WARS2: variants seen among roughly 807,000 people sequenced by gnomAD.
WARS2 encodes the protein tryptophanyl tRNA synthetase 2, mitochondrial.
In WARS2, 28 loss-of-function variants were observed where a neutral mutation model predicts 36.5. The observed-to-expected ratio is 0.77, with a 90% CI of 0.57 to 1.05. The LOEUF (loss-of-function observed/expected upper bound fraction) is 1.05. Among genes scored for constraint, WARS2 ranks in the 50% least tolerant of loss-of-function variants. WARS2 has a pLI of 0.00. For missense variants in WARS2, 435 were observed against 456.8 expected (o/e 0.95, Z 0.44); for synonymous variants, 174 against 178.4 (o/e 0.98, Z 0.20).
intron 1 of WARS2, among the ~76,000 whole-genome samples, chr1:119,107,747 G>T (rs1027727986): frequency 6.6e-6 from 1 of 151,994 alleles, no homozygotes; most frequent in African/African-American, 2.4e-5. Context: ...TGACATCCTT[G>T]TCTTGTTTCT....
intron 1 of WARS2, among the ~76,000 whole-genome samples, chr1:119,137,375 TG>T (rs1656584557): frequency 6.6e-6 from 1 of 152,228 alleles, no homozygotes; most frequent in Admixed American, 6.5e-5. Flanking sequence ...CTTCATCTAA[TG>T]GCTATACTTA....
chr1:119,097,217 T>A (rs1653502174), intron 1 of WARS2, among the ~76,000 whole-genome samples: 1 of 152,346 alleles, frequency 6.6e-6, no homozygotes, highest in South Asian at 2.1e-4. Flanking sequence ...TCTATCTTGA[T>A]GAGAAATGTG....
chr1:119,075,911 TG>T (rs1370078275), intron 2 of WARS2, among the ~76,000 whole-genome samples: 1 of 152,184 alleles, frequency 6.6e-6, no homozygotes, highest in Non-Finnish European at 1.5e-5. Context: ...GAATGAACAA[TG>T]GGAATCATCC....
intron 1 of WARS2, among the ~76,000 whole-genome samples, chr1:119,106,353 C>A (rs1230719715): frequency 6.6e-6 from 1 of 152,130 alleles, no homozygotes; most frequent in Non-Finnish European, 1.5e-5. Flanking sequence ...AGGGTCTTCC[C>A]TTGGGAGTTG....
Position 119,127,357 on chromosome 1 carries a change from A to C in WARS2, c.90+13198T>G, listed in dbSNP as rs1655740322. On this transcript the variant is annotated intron_variant, in intron 1 of 5. Coordinates refer to ENST00000235521, the MANE Select transcript of WARS2 (RefSeq NM_015836.4). ...TGTCTCTGTTTTACAGATGAAAAAA[A>C]ATTAAGGCACAGAAAAATCAAGCGA... 4 of 491,512 alleles carry C rather than the reference A, an allele frequency of 8.1e-6. No homozygotes were observed. In the East Asian group the frequency reaches 1.7e-4, roughly 21 times the overall value. The allele number at this position is 491,512 out of a possible 1,614,324, so 30.4% of individuals were successfully genotyped here.
chr1:119,092,839 T>G (rs966546294), intron 1 of WARS2, among the ~76,000 whole-genome samples: 3 of 152,230 alleles, frequency 2.0e-5, no homozygotes, highest in African/African-American at 7.2e-5. Flanking sequence ...TTAGCTATCT[T>G]CATCATCTAA....
At chr1:119,055,273 G>A (rs1177385868) in intron 2 of WARS2, among the ~76,000 whole-genome samples, 3 of 152,062 alleles carry the variant, frequency 2.0e-5, no homozygotes, top group African/African-American at 7.2e-5. Context: ...GAAGATAGCT[G>A]GTAATACAAG....
chr1:119,087,924 A>T (rs1383314428), intron 1 of WARS2, among the ~76,000 whole-genome samples: 2 of 152,360 alleles, frequency 1.3e-5, no homozygotes, highest in Non-Finnish European at 2.9e-5. Flanking sequence ...CAGCAGTAGC[A>T]TCATGGCTTG....
Position 119,057,892 on chromosome 1 carries a change from G to T in WARS2, c.349-12230C>A, listed in dbSNP as rs145495012. ...CCAGATATATGTACTGTGAATATTT[G>T]CTCCCACTTTATGGGTTACCTTTTC... On this transcript the variant is annotated intron_variant, in intron 2 of 5. Coordinates refer to ENST00000235521, the MANE Select transcript of WARS2 (RefSeq NM_015836.4). Among the ~76,000 whole-genome samples the T allele has an allele frequency of 7.2e-5, 11 of 152,146 alleles. No homozygotes were observed. The East Asian group carries it at 1.5e-3, about 21-fold the overall frequency.
At position 119,109,629 on chromosome 1, in the gene WARS2, CTTG is replaced by C. The variant is rs1274273620; in HGVS notation, c.90+30923_90+30925del. 5.9e-5 allele frequency among the ~76,000 whole-genome samples: 9 copies of C among 151,776 alleles called. No individual in the cohort carries two copies. The East Asian group carries it at 1.7e-3, about 29-fold the overall frequency. ...TTCTTGTAGACAACATAAGTTGATT[CTTG>C]TTGGTTTTTTTGATCCACTTCAACA... On this transcript the variant is annotated intron_variant, in intron 1 of 5. Coordinates refer to ENST00000235521, the MANE Select transcript of WARS2 (RefSeq NM_015836.4).
chr1:119,098,184 G>A (rs1055286569), intron 1 of WARS2, among the ~76,000 whole-genome samples: 1 of 152,056 alleles, frequency 6.6e-6, no homozygotes, highest in Non-Finnish European at 1.5e-5. Flanking sequence ...AGGAGGTGGA[G>A]GTTGCAGTGA....
intron 1 of WARS2, among the ~76,000 whole-genome samples, chr1:119,117,130 G>C (rs1454721488): frequency 6.6e-6 from 1 of 152,184 alleles, no homozygotes. Context: ...CTGCATGGGA[G>C]TGGAGTGAGG....
intron 1 of WARS2, among the ~76,000 whole-genome samples, chr1:119,084,306 G>C (rs1652449309): frequency 6.6e-6 from 1 of 152,066 alleles, no homozygotes; most frequent in Non-Finnish European, 1.5e-5. Flanking sequence ...TTGTTTAATG[G>C]GTACAGGGTT....
chr1:119,125,150 TG>T (rs912253127), intron 1 of WARS2, among the ~76,000 whole-genome samples: 1 of 152,230 alleles, frequency 6.6e-6, no homozygotes, highest in African/African-American at 2.4e-5. Flanking sequence ...GCCTCTATGC[TG>T]GTCTTCAAAC....
intron 1 of WARS2, among the ~76,000 whole-genome samples, chr1:119,114,903 G>A (rs1452471071): frequency 6.6e-6 from 1 of 152,130 alleles, no homozygotes; most frequent in Non-Finnish European, 1.5e-5. Context: ...TATTATGCAA[G>A]CCTCCTCCCC....
intron 2 of WARS2, among the ~76,000 whole-genome samples, chr1:119,046,267 T>G (rs1648810574): frequency 6.9e-6 from 1 of 143,900 alleles, no homozygotes; most frequent in Admixed American, 7.2e-5. Flanking sequence ...CTTTTTCATC[T>G]TCCTCTCCTC....
intron 1 of WARS2, among the ~76,000 whole-genome samples, chr1:119,087,832 A>C (rs941442528): frequency 1.3e-5 from 2 of 152,222 alleles, no homozygotes; most frequent in African/African-American, 4.8e-5. Flanking sequence ...AGCCCTGGCC[A>C]CTGCTGGTGG....
chr1:119,114,437 TAAC>T (rs1021519670), intron 1 of WARS2, among the ~76,000 whole-genome samples: 1 of 152,158 alleles, frequency 6.6e-6, no homozygotes, highest in African/African-American at 2.4e-5. Flanking sequence ...AAGAAAATAA[TAAC>T]AAGAAAGTTC....
intron 2 of WARS2, among the ~76,000 whole-genome samples, chr1:119,058,332 G>A (rs530797789): frequency 0.011 from 1,125 of 104,162 alleles, 15 homozygotes; most frequent in South Asian, 0.033. Flanking sequence ...TATACTTTAA[G>A]TTTTAGGGTA....
Sources: allele counts gnomAD v4.1 joint callset (sites outside exome capture counted in the v4.1 genomes callset), GRCh38; gene constraint gnomAD v4.1.1; transcripts MANE v1.5; gene names NCBI Gene and HGNC (gene_info 2026-07-23, HGNC 2026-07-21).